Variants in LEUTX observed in about 807,000 individuals in gnomAD.
LEUTX encodes paired-like homeodomain transcription factor LEUTX.
LEUTX carries 5 observed loss-of-function variants against 4.5 expected under a neutral mutation model. That is an observed-to-expected ratio of 1.11 (90% CI 0.58 to 2.34). The LOEUF (loss-of-function observed/expected upper bound fraction) is 2.34. LEUTX is among the 30% of genes most tolerant of loss of function. The probability of loss-of-function intolerance (pLI) is 0.01; values close to 1 mark genes in which losing one functional copy is unlikely to be tolerated. For synonymous variants in LEUTX, 89 were observed against 85.1 expected, an observed-to-expected ratio of 1.05 and a Z score of -0.25; for missense variants, 233 against 239.4, an observed-to-expected ratio of 0.97 and a Z score of 0.18.
upstream of LEUTX, among the ~76,000 whole-genome samples, chr19:39,777,812 AC>A (rs959935306): frequency 7.9e-5 from 12 of 152,304 alleles, no homozygotes; most frequent in African/African-American, 2.9e-4. Flanking sequence ...AGACCCTAAA[AC>A]AAAACGTAAA....
intron 1 of LEUTX, among the ~76,000 whole-genome samples, chr19:39,783,760 G>A (rs1967923012): frequency 6.6e-6 from 1 of 151,600 alleles, no homozygotes; most frequent in Non-Finnish European, 1.5e-5. Flanking sequence ...ATGTTTGTTG[G>A]CCATTTGTAT....
At chr19:39,780,279 A>G (rs1198836444) in intron 1 of LEUTX, among the ~76,000 whole-genome samples, 1 of 152,022 alleles carries the variant, frequency 6.6e-6, no homozygotes, top group Admixed American at 6.6e-5. Context: ...CCTCGATTTT[A>G]CCTCCTATAA....
intron 1 of LEUTX, among the ~76,000 whole-genome samples, chr19:39,782,987 A>G (rs1309120522): frequency 6.6e-6 from 1 of 152,068 alleles, no homozygotes; most frequent in East Asian, 1.9e-4. Context: ...CCAACCGAGC[A>G]GCATACACTG....
intron 2 of LEUTX, 62 bp downstream of exon 2, chr19:39,784,740 A>C (rs1967939263): frequency 4.8e-6 from 6 of 1,243,150 alleles, no homozygotes; most frequent in Non-Finnish European, 6.9e-6. Context: ...CACACTTTTG[A>C]TCATTGTTAT....
At chr19:39,784,288 A>C (rs186001859) in intron 1 of LEUTX, among the ~76,000 whole-genome samples, 103 of 151,866 alleles carry the variant, frequency 6.8e-4, no homozygotes, top group African/African-American at 2.3e-3. Flanking sequence ...CTTGGTTTGG[A>C]TCCATTGCTG....
Position 39,786,207 on chromosome 19 carries a change from G to A in LEUTX, c.*72G>A. 1 of 1,204,904 alleles carries A rather than the reference G, an allele frequency of 8.3e-7. No homozygotes were observed. Among genetic ancestry groups the A allele is most frequent in the African/African-American group, 1.5e-5 (1 of 64,960 alleles). 74.6% of individuals were successfully genotyped at this position (1,204,904 alleles called of 1,614,324 possible). A position where few individuals can be genotyped will look rare whatever the true frequency, so the allele number is the denominator to read the frequency against. On this transcript the variant is annotated 3_prime_UTR_variant, in exon 3 of 3. Coordinates refer to ENST00000638280, the MANE Select transcript of LEUTX (RefSeq NM_001382345.1). Reference sequence around the variant, plus strand: ...GACATATTTCCACACATCTTTAATGGTTTGACCCCAGTCTAAGTAGATCAG... The same window carrying A: ...GACATATTTCCACACATCTTTAATGATTTGACCCCAGTCTAAGTAGATCAG...
At chr19:39,781,028 G>C (rs1967877490) in intron 1 of LEUTX, among the ~76,000 whole-genome samples, 1 of 150,154 alleles carries the variant, frequency 6.7e-6, no homozygotes, top group African/African-American at 2.5e-5. Context: ...AAGAAAAAAT[G>C]TGGTTATTTG....
Position 39,786,268 on chromosome 19 carries a change from A to G in LEUTX, c.*133A>G. 3 of 670,976 alleles carry G rather than the reference A, an allele frequency of 4.5e-6. No homozygotes were observed. Among genetic ancestry groups the G allele is most frequent in the South Asian group, 2.9e-5 (1 of 34,790 alleles). The allele number at this position is 670,976 out of a possible 1,614,324, so 41.6% of individuals were successfully genotyped here. A position where few individuals can be genotyped will look rare whatever the true frequency, so the allele number is the denominator to read the frequency against. The stretch of plus-strand genomic sequence containing the variant: ...TTTATCTTTTTCTGTAGAAAAAACA[A>G]TAAAGGAACTCCCCTACCTTTCATC... On this transcript the variant is annotated 3_prime_UTR_variant, in exon 3 of 3. Coordinates refer to ENST00000638280, the MANE Select transcript of LEUTX (RefSeq NM_001382345.1).
At chr19:39,778,187 G>A (rs1202629675), upstream of LEUTX, among the ~76,000 whole-genome samples, 2 of 152,112 alleles carry the variant, frequency 1.3e-5, no homozygotes, top group Non-Finnish European at 2.9e-5. Context: ...AGTAACAGAG[G>A]GACAGAGAGA....
upstream of LEUTX, chr19:39,776,563 CCAAA>C (rs1568513469): frequency 2.2e-6 from 1 of 455,760 alleles, no homozygotes; most frequent in Non-Finnish European, 4.4e-6. Flanking sequence ...AGGGTGTGCT[CCAAA>C]CAAATGCAAC....
rs1412333628 is a variant in LEUTX, at chr19:39,784,519, C to A, written c.8-8C>A. 9 of 897,084 alleles carry A rather than the reference C, an allele frequency of 1.0e-5. No homozygotes were observed. Among genetic ancestry groups the A allele is most frequent in the Non-Finnish European group, 1.6e-5 (9 of 550,238 alleles). 55.6% of individuals were successfully genotyped at this position (897,084 alleles called of 1,614,324 possible). A position where few individuals can be genotyped will look rare whatever the true frequency, so the allele number is the denominator to read the frequency against. On this transcript the variant is annotated splice_polypyrimidine_tract_variant and splice_region_variant and intron_variant, in intron 1 of 2. Transcript: ENST00000638280. ...TTAATGAAAGCCTTTTATCTGTTCC[C>A]TCTGCAGAAGGGCCAAGGCGTTATC...
In LEUTX at chr19:39,785,292, A is replaced by G. The variant is rs543761644; in HGVS notation, c.160-406A>G. On this transcript the variant is annotated intron_variant, in intron 2 of 2. Coordinates refer to ENST00000638280, the MANE Select transcript of LEUTX (RefSeq NM_001382345.1). The stretch of plus-strand genomic sequence containing the variant: ...CTTTACAAACAAAAATTAAAAATTA[A>G]CCAGACATGGAGGCACATGGCTGTA... Among the ~76,000 whole-genome samples the G allele has an allele frequency of 2.6e-5, 4 of 152,230 alleles. No individual in the cohort carries two copies. In the South Asian group the frequency reaches 8.3e-4, roughly 32 times the overall value.
At chr19:39,778,663 CT>C (rs34540141), upstream of LEUTX, among the ~76,000 whole-genome samples, 31,189 of 119,562 alleles carry the variant, frequency 0.26, 4,214 homozygotes, top group East Asian at 0.48. Context: ...AAGGATCAGT[CT>C]TTTTTTTTTT....
In LEUTX at chr19:39,786,195, A is replaced by T. The variant is rs570106042; in HGVS notation, c.*60A>T. 65 of 1,297,784 alleles carry T rather than the reference A, an allele frequency of 5.0e-5. No individual in the cohort carries two copies. In the East Asian group the frequency reaches 1.3e-3, roughly 26 times the overall value. The allele number at this position is 1,297,784 out of a possible 1,614,324, so 80.4% of individuals were successfully genotyped here. On this transcript the variant is annotated 3_prime_UTR_variant, in exon 3 of 3. Transcript: ENST00000638280. ...CTGACCCACTGAGACATATTTCCAC[A>T]CATCTTTAATGGTTTGACCCCAGTC...
chr19:39,781,258 T>C (rs1967882468), intron 1 of LEUTX, among the ~76,000 whole-genome samples: 1 of 152,202 alleles, frequency 6.6e-6, no homozygotes, highest in Non-Finnish European at 1.5e-5. Context: ...TGTGCGATAA[T>C]TGGGCAGCAT....
intron 1 of LEUTX, among the ~76,000 whole-genome samples, chr19:39,783,009 T>C (rs991900431): frequency 2.0e-5 from 3 of 151,976 alleles, no homozygotes; most frequent in Non-Finnish European, 4.4e-5. Context: ...ACCATATTTG[T>C]AGTCTTTTAT....
At chr19:39,784,227 G>A (rs941205281) in intron 1 of LEUTX, among the ~76,000 whole-genome samples, 1 of 151,516 alleles carries the variant, frequency 6.6e-6, no homozygotes, top group Non-Finnish European at 1.5e-5. Context: ...TCCTTGATTA[G>A]CTTAATAACT....
At chr19:39,778,423 C>T (rs186686103), upstream of LEUTX, among the ~76,000 whole-genome samples, 434 of 152,018 alleles carry the variant, frequency 2.9e-3, 1 homozygote, top group Non-Finnish European at 4.8e-3. Context: ...GGGCTTAACT[C>T]CCATCATCCC....
chr19:39,785,104 G>A (rs896724215), intron 2 of LEUTX, among the ~76,000 whole-genome samples: 3 of 152,080 alleles, frequency 2.0e-5, no homozygotes, highest in African/African-American at 7.2e-5. Context: ...CCCTAAAGAT[G>A]ACCCAAGCTA....
Sources: gnomAD v4.1 joint callset for allele counts (sites outside exome capture counted in the v4.1 genomes callset) on GRCh38, gnomAD v4.1.1 for gene constraint, MANE v1.5 for transcripts, NCBI Gene and HGNC (gene_info 2026-07-23, HGNC 2026-07-21) for gene names.